RNLS: variants seen among roughly 807,000 people sequenced by gnomAD.
RNLS encodes the protein renalase, FAD dependent amine oxidase, also known as renalase.
A neutral mutation model predicts 39.8 loss-of-function variants in RNLS; 39 were observed. That is an observed-to-expected ratio of 0.98 (90% CI 0.76 to 1.28). The LOEUF is 1.28. Ranked by LOEUF, RNLS falls within the 50% of genes most tolerant of loss-of-function variation. RNLS has a pLI of 0.00. For synonymous variants in RNLS, 147 were observed against 150.7 expected (o/e 0.98, Z 0.18); for missense variants, 410 against 413.3 (o/e 0.99, Z 0.07).
intron 4 of RNLS, among the ~76,000 whole-genome samples, chr10:88,557,236 TATG>T (rs1489647283): frequency 6.6e-6 from 1 of 152,184 alleles, no homozygotes; most frequent in Non-Finnish European, 1.5e-5. Context: ...CTGCTTCAGA[TATG>T]ATGATTTCCT....
At chr10:88,177,752 C>T in the RNLS span, among the ~76,000 whole-genome samples, 1 of 152,130 alleles carries the variant, frequency 6.6e-6, no homozygotes, top group Admixed American at 6.5e-5. Context: ...AGACTTTTTC[C>T]TGTAGTGTTC....
intron 4 of RNLS, among the ~76,000 whole-genome samples, chr10:88,414,857 G>A (rs901931483): frequency 1.3e-5 from 2 of 152,178 alleles, no homozygotes; most frequent in African/African-American, 4.8e-5. Context: ...TGAATAAATA[G>A]AAGTTTGGTC....
At chr10:88,477,398 A>C (rs1160412409) in intron 4 of RNLS, among the ~76,000 whole-genome samples, 1 of 152,136 alleles carries the variant, frequency 6.6e-6, no homozygotes, top group Non-Finnish European at 1.5e-5. Context: ...CCGGGATGAC[A>C]GGGAAGGAGA....
intron 4 of RNLS, among the ~76,000 whole-genome samples, chr10:88,455,897 G>A (rs1842605028): frequency 6.6e-6 from 1 of 152,078 alleles, no homozygotes; most frequent in African/African-American, 2.4e-5. Context: ...TGATCTTTTT[G>A]TTTTAAAATG....
intron 4 of RNLS, among the ~76,000 whole-genome samples, chr10:88,465,347 G>A (rs1484771229): frequency 2.6e-5 from 4 of 152,058 alleles, no homozygotes; most frequent in Non-Finnish European, 5.9e-5. Flanking sequence ...TAATTCTTGA[G>A]TATAGTGCTA....
chr10:88,383,542 T>C (rs941071543), intron 4 of RNLS, among the ~76,000 whole-genome samples: 1 of 152,150 alleles, frequency 6.6e-6, no homozygotes, highest in African/African-American at 2.4e-5. Flanking sequence ...GTGCAGCAGA[T>C]ATATCTTTTG....
At chr10:88,579,009 C>A (rs2134485914) in intron 3 of RNLS, among the ~76,000 whole-genome samples, 1 of 152,146 alleles carries the variant, frequency 6.6e-6, no homozygotes, top group South Asian at 2.1e-4. Flanking sequence ...AATCAACTGA[C>A]AAAAGGCATA....
At chr10:88,569,426 C>A (rs761969761) in intron 4 of RNLS, among the ~76,000 whole-genome samples, 1 of 151,946 alleles carries the variant, frequency 6.6e-6, no homozygotes, top group Non-Finnish European at 1.5e-5. Context: ...TTCCCAGACA[C>A]ACTGGATGAA....
At position 88,444,960 on chromosome 10, in the gene RNLS, T is replaced by C. The variant is rs568167381; in HGVS notation, c.527-82235A>G. ...CAGGCCAACATTCAAATTCAGGAAATACAGAGAATGCCATAAAGATACTCC... is the reference window on the plus strand; with the variant it reads ...CAGGCCAACATTCAAATTCAGGAAACACAGAGAATGCCATAAAGATACTCC... On this transcript the variant is annotated intron_variant, in intron 4 of 6. Transcript: ENST00000331772. Among the ~76,000 whole-genome samples, 329 of 152,074 alleles carry C rather than the reference T, an allele frequency of 2.2e-3. 2 individuals carry two copies. The highest frequency in any genetic ancestry group is 7.5e-3 in the African/African-American group (313 of 41,476).
chr10:88,441,262 C>A (rs548435258), intron 4 of RNLS, among the ~76,000 whole-genome samples: 2 of 152,228 alleles, frequency 1.3e-5, no homozygotes, highest in Non-Finnish European at 2.9e-5. Flanking sequence ...ACTGTGCCTT[C>A]CTATTCTTCT....
intron 2 of RNLS, 113 bp from the exon 3 acceptor site, chr10:88,581,822 T>C: frequency 1.6e-6 from 1 of 634,780 alleles, no homozygotes; most frequent in Non-Finnish European, 2.4e-6. Context: ...CAAAATTAGA[T>C]ATCTTCCTAT....
chr10:88,576,945 T>G (rs985423714), intron 3 of RNLS, among the ~76,000 whole-genome samples: 2 of 152,130 alleles, frequency 1.3e-5, no homozygotes, highest in African/African-American at 4.8e-5. Flanking sequence ...GCCCTCCCTA[T>G]TGGTAGGACA....
chr10:88,413,179 T>C (rs1019000423), intron 4 of RNLS, among the ~76,000 whole-genome samples: 7 of 152,158 alleles, frequency 4.6e-5, no homozygotes, highest in Non-Finnish European at 1.0e-4. Context: ...TGCTCCCATA[T>C]CCTTCTGCTC....
chr10:88,343,523 C>T (rs980112323), intron 5 of RNLS: 1 of 978,562 alleles, frequency 1.0e-6, no homozygotes, highest in African/African-American at 1.8e-5. Context: ...ATATATTTTC[C>T]AAAAACAACA....
intron 4 of RNLS, among the ~76,000 whole-genome samples, chr10:88,367,288 T>C (rs1039775470): frequency 5.3e-5 from 8 of 152,126 alleles, no homozygotes; most frequent in African/African-American, 9.6e-5. Flanking sequence ...TAGATTACTT[T>C]AGCTGTTTTT....
At chr10:88,179,439 C>T in the RNLS span, among the ~76,000 whole-genome samples, 1 of 152,156 alleles carries the variant, frequency 6.6e-6, no homozygotes, top group Non-Finnish European at 1.5e-5. Context: ...CTCTCTCTCT[C>T]ATCATGGATA....
At chr10:88,215,898 C>G in the RNLS span, among the ~76,000 whole-genome samples, 1 of 151,960 alleles carries the variant, frequency 6.6e-6, no homozygotes, top group African/African-American at 2.4e-5. Context: ...TGATGTTTTG[C>G]CATGTTCACC....
At chr10:88,324,096 G>A (rs1846385061) in intron 5 of RNLS, among the ~76,000 whole-genome samples, 1 of 152,128 alleles carries the variant, frequency 6.6e-6, no homozygotes, top group African/African-American at 2.4e-5. Flanking sequence ...ATGCTGGCAA[G>A]GCTGCAGAGA....
intron 5 of RNLS, among the ~76,000 whole-genome samples, chr10:88,342,423 CT>C (rs1372608592): frequency 2.0e-5 from 3 of 152,272 alleles, no homozygotes; most frequent in Admixed American, 2.0e-4. Context: ...AAATTGTTAT[CT>C]TTTGTTTTCT....
Sources: allele counts gnomAD v4.1 joint callset (sites outside exome capture counted in the v4.1 genomes callset), GRCh38; gene constraint gnomAD v4.1.1; transcripts MANE v1.5; gene names NCBI Gene and HGNC (gene_info 2026-07-23, HGNC 2026-07-21).